The following PPP1R9A variants were observed in gnomAD, a reference collection of about 807,000 sequenced individuals.
PPP1R9A encodes neurabin-1.
PPP1R9A carries 59 observed loss-of-function variants against 141.9 expected under a neutral mutation model. That is an observed-to-expected ratio of 0.42 (90% CI 0.34 to 0.52). PPP1R9A has a LOEUF of 0.52. Ranked by LOEUF, PPP1R9A falls within the 20% of genes least tolerant of loss-of-function variation. PPP1R9A has a pLI of 0.10. For missense variants in PPP1R9A, 1,444 were observed against 1,611.9 expected (o/e 0.90, Z 1.78); for synonymous variants, 500 against 569.7 (o/e 0.88, Z 1.74).
chr7:95,258,491 C>T lies in PPP1R9A; in HGVS notation c.2665+6361C>T, dbSNP rs116027255. Among the ~76,000 whole-genome samples, 1,459 of 151,902 alleles carry T rather than the reference C, an allele frequency of 9.6e-3. 34 individuals carry two copies. Among genetic ancestry groups the T allele is most frequent in the African/African-American group, 0.034 (1,408 of 41,414 alleles). ...TTGCCTGTTCACAAAAATTCCAAAT[C>T]GTAAAAAGGTTGGATGAATTTGACC... is the stretch of plus-strand genomic sequence containing the variant. On this transcript the variant is annotated intron_variant, in intron 12 of 19. Transcript: ENST00000433360.
At position 95,296,344 on chromosome 7, in the gene PPP1R9A, T is replaced by C. The variant is rs1377567432; in HGVS notation, c.*6041T>C. The C allele has an allele frequency of 6.6e-6, 1 of 152,666 alleles. No homozygotes were observed. The highest frequency in any genetic ancestry group is 1.5e-5 in the Non-Finnish European group (1 of 68,038). The allele number at this position is 152,666 out of a possible 1,614,324, so 9.5% of individuals were successfully genotyped here. On this transcript the variant is annotated 3_prime_UTR_variant, in exon 20 of 20. Coordinates refer to ENST00000433360, the MANE Select transcript of PPP1R9A (RefSeq NM_001166160.2). ...TTTAATTTGTTAGTGTAAATAAATT[T>C]CTTGCCAATGAGTATTATTGTTGTT...
Position 94,914,075 on chromosome 7 carries a change from G to T in PPP1R9A, c.1395+2567G>T, listed in dbSNP as rs1377738257. 2.0e-5 allele frequency among the ~76,000 whole-genome samples: 3 copies of T among 152,112 alleles called. No individual in the cohort carries two copies. The East Asian group carries it at 5.8e-4, about 29-fold the overall frequency. ...TTCTTTTCATAAAACTTTATTTATG[G>T]AATGGGAAGTTGCAATTCCTAACCT... is the stretch of plus-strand genomic sequence containing the variant. On this transcript the variant is annotated intron_variant, in intron 2 of 19. Coordinates refer to ENST00000433360, the MANE Select transcript of PPP1R9A (RefSeq NM_001166160.2).
chr7:95,204,805 ACACACACAT>A (rs1790404268), intron 7 of PPP1R9A, among the ~76,000 whole-genome samples: 1 of 144,546 alleles, frequency 6.9e-6, no homozygotes, highest in Non-Finnish European at 1.5e-5. Context: ...ACACATGCCC[ACACACACAT>A]CACACACACC....
chr7:95,282,093 G>T (rs1804348688), intron 16 of PPP1R9A, among the ~76,000 whole-genome samples: 1 of 148,996 alleles, frequency 6.7e-6, no homozygotes, highest in South Asian at 2.1e-4. Flanking sequence ...TGAGTGTTGT[G>T]ATTCACACCT....
chr7:94,989,999 T>C (rs1489566801), intron 2 of PPP1R9A, among the ~76,000 whole-genome samples: 1 of 152,102 alleles, frequency 6.6e-6, no homozygotes, highest in Non-Finnish European at 1.5e-5. Context: ...AGTTAAAATA[T>C]GAAAAATTTT....
intron 2 of PPP1R9A, among the ~76,000 whole-genome samples, chr7:95,004,623 A>T (rs1803357984): frequency 6.6e-6 from 1 of 152,196 alleles, no homozygotes; most frequent in Admixed American, 6.5e-5. Context: ...CCTTCTTTAG[A>T]GGGCTAATCC....
At chr7:95,269,588 C>A in intron 14 of PPP1R9A, 81 bp downstream of exon 14, 1 of 1,153,428 alleles carries the variant, frequency 8.7e-7, no homozygotes, top group South Asian at 1.7e-5. Context: ...AATCATAAGT[C>A]ATTTGTTTTC....
intron 3 of PPP1R9A, among the ~76,000 whole-genome samples, chr7:95,115,775 G>A (rs953632610): frequency 3.3e-5 from 5 of 151,648 alleles, no homozygotes; most frequent in African/African-American, 4.8e-5. Context: ...AAATTAGCCC[G>A]GCGTGGTGGC....
intron 4 of PPP1R9A, among the ~76,000 whole-genome samples, chr7:95,151,695 A>G (rs1203569752): frequency 6.6e-6 from 1 of 150,484 alleles, no homozygotes; most frequent in African/African-American, 2.4e-5. Flanking sequence ...ATCATGTAAG[A>G]TGTTGATGGG....
chr7:94,910,137 T>C lies in PPP1R9A; in HGVS notation c.24T>C (p.Gly8=), dbSNP rs1484677688. The part of the protein sequence containing the change: MLKTESS[G]ERTTLRSASP... ...AAATGTTGAAAACTGAGTCTTCAGG[T>C]GAACGAACCACTCTCAGAAGTGCCT... Residue 8 remains glycine, a synonymous_variant, in exon 2 of 20, where the codon GGT becomes GGC. Transcript: ENST00000433360. The surrounding 1 kb of genome is among the most constrained non-coding windows in gnomAD (Gnocchi z 4.5). 1 of 1,611,402 alleles carries C rather than the reference T, an allele frequency of 6.2e-7. No individual in the cohort carries two copies. Among genetic ancestry groups the C allele is most frequent in the Non-Finnish European group, 8.5e-7 (1 of 1,178,562 alleles).
Position 95,208,541 on chromosome 7 carries a change from G to A in PPP1R9A, c.1956+4811G>A, listed in dbSNP as rs13237091. On this transcript the variant is annotated intron_variant, in intron 7 of 19. Transcript: ENST00000433360. ...AGATTGAGACCATCCTGGCTAACAC[G>A]GTGAAATCCCGTCTTTACTAAAAAT... 3.1e-3 allele frequency among the ~76,000 whole-genome samples: 473 copies of A among 151,982 alleles called. 2 individuals carry two copies. Among genetic ancestry groups the A allele is most frequent in the Non-Finnish European group, 5.9e-3 (399 of 67,956 alleles).
chr7:95,106,723 GA>G (rs1819568549), intron 2 of PPP1R9A, among the ~76,000 whole-genome samples: 1 of 152,024 alleles, frequency 6.6e-6, no homozygotes, highest in South Asian at 2.1e-4. Flanking sequence ...TTAAAATATT[GA>G]TAACTACTTT....
chr7:95,195,999 G>C (rs1327335413), intron 5 of PPP1R9A, among the ~76,000 whole-genome samples: 1 of 152,088 alleles, frequency 6.6e-6, no homozygotes, highest in South Asian at 2.1e-4. Context: ...ACAATGAGCT[G>C]TGATCATGCC....
intron 4 of PPP1R9A, among the ~76,000 whole-genome samples, chr7:95,157,565 T>C (rs147150399): frequency 9.1e-4 from 139 of 152,292 alleles, no homozygotes; most frequent in African/African-American, 3.2e-3. Flanking sequence ...GCATGTATCC[T>C]CGGCAGCACC....
intron 2 of PPP1R9A, among the ~76,000 whole-genome samples, chr7:94,933,079 T>C (rs1488927286): frequency 6.6e-6 from 1 of 152,048 alleles, no homozygotes; most frequent in Non-Finnish European, 1.5e-5. Context: ...TGTATATATA[T>C]GACATATATA....
chr7:94,980,720 A>G (rs554859761), intron 2 of PPP1R9A, among the ~76,000 whole-genome samples: 44 of 151,978 alleles, frequency 2.9e-4, no homozygotes, highest in African/African-American at 1.0e-3. Flanking sequence ...GAGGTGCCGC[A>G]CAACTATGGA....
intron 2 of PPP1R9A, among the ~76,000 whole-genome samples, chr7:95,027,856 G>A (rs953954268): frequency 6.6e-6 from 1 of 152,028 alleles, no homozygotes; most frequent in Non-Finnish European, 1.5e-5. Flanking sequence ...AATCTTATGG[G>A]ACCACCCTCA....
intron 7 of PPP1R9A, among the ~76,000 whole-genome samples, chr7:95,208,030 A>G (rs1339331599): frequency 6.6e-6 from 1 of 152,230 alleles, no homozygotes; most frequent in Non-Finnish European, 1.5e-5. Flanking sequence ...AAATAATTTC[A>G]AAAGATTTTT....
chr7:94,954,834 CGTGTGT>C (rs66968535), intron 2 of PPP1R9A, among the ~76,000 whole-genome samples: 12,036 of 146,348 alleles, frequency 0.082, 912 homozygotes, highest in East Asian at 0.39. Context: ...TGTAAATATG[CGTGTGT>C]GTGTGTGTGT....
Sources: allele counts gnomAD v4.1 joint callset (sites outside exome capture counted in the v4.1 genomes callset), GRCh38; gene constraint gnomAD v4.1.1; non-coding constraint Gnocchi (gnomAD v3.1); transcripts MANE v1.5; gene names NCBI Gene and HGNC (gene_info 2026-07-23, HGNC 2026-07-21).